The following ESRRB variants were observed in gnomAD, a reference collection of about 807,000 sequenced individuals.
ESRRB encodes the protein steroid hormone receptor ERR2.
A neutral mutation model predicts 46.0 loss-of-function variants in ESRRB; 16 were observed. That is an observed-to-expected ratio of 0.35 (90% confidence interval 0.24 to 0.53). The LOEUF is 0.53. ESRRB is among the 20% of genes least tolerant of loss of function. ESRRB has a pLI of 0.93. For synonymous variants in ESRRB, 246 were observed against 259.6 expected (o/e 0.95, Z 0.50); for missense variants, 488 against 607.4 (o/e 0.80, Z 2.07).
At chr14:76,401,970 C>T (rs1885965299) in intron 1 of ESRRB, among the ~76,000 whole-genome samples, 1 of 152,156 alleles carries the variant, frequency 6.6e-6, no homozygotes, top group African/African-American at 2.4e-5. Context: ...AATTCTAGTC[C>T]AAAGGCAGGC....
intron 1 of ESRRB, among the ~76,000 whole-genome samples, chr14:76,352,003 A>AAG (rs2139761884): frequency 1.4e-5 from 2 of 145,562 alleles, no homozygotes; most frequent in South Asian, 4.5e-4. Flanking sequence ...AAAAAAAAAA[A>AAG]AAAAAAGCAA....
rs575373114 is a variant in ESRRB at position 76,339,749 on chromosome 14, C to T, written c.2+28833C>T. Among the ~76,000 whole-genome samples the T allele has an allele frequency of 2.0e-5, 3 of 152,322 alleles. No homozygotes were observed. The South Asian group carries it at 6.2e-4, about 32-fold the overall frequency. ...GCCCCCCACACTCACAAGCCCGGGG[C>T]AGGGGGCTCTCCCAGCTGCCTGGCT... On this transcript the variant is annotated intron_variant, in intron 1 of 6. Coordinates refer to the ESRRB transcript ENST00000512784.
At chr14:76,427,035 G>A (rs893107634) in intron 1 of ESRRB, among the ~76,000 whole-genome samples, 1 of 152,208 alleles carries the variant, frequency 6.6e-6, no homozygotes, top group Non-Finnish European at 1.5e-5. Context: ...CAGGGGCATG[G>A]GAGGAATTGC....
At chr14:76,375,242 G>A (rs116935793), upstream of ESRRB, among the ~76,000 whole-genome samples, 467 of 152,148 alleles carry the variant, frequency 3.1e-3, no homozygotes, top group Non-Finnish European at 3.2e-3. Flanking sequence ...CCCAGAAGCA[G>A]GGCTGGGGCA....
At chr14:76,483,094 A>C (rs770475827) in intron 5 of ESRRB, among the ~76,000 whole-genome samples, 2 of 152,184 alleles carry the variant, frequency 1.3e-5, no homozygotes, top group Non-Finnish European at 2.9e-5. Flanking sequence ...TTTCTTGTAG[A>C]CCTTATTGGA....
intron 2 of ESRRB, among the ~76,000 whole-genome samples, chr14:76,440,241 G>C (rs74522673): frequency 6.6e-6 from 1 of 152,144 alleles, no homozygotes. Context: ...GCCAAGGCCA[G>C]AGGATAGGTC....
chr14:76,499,400 G>A lies in ESRRB; in HGVS notation c.*942G>A, dbSNP rs77785096. 1.5e-3 allele frequency: 388 copies of A among 264,020 alleles called. 2 individuals carry two copies. Among genetic ancestry groups the A allele is most frequent in the African/African-American group, 8.0e-3 (365 of 45,648 alleles). The allele number at this position is 264,020 out of a possible 1,614,324, so 16.4% of individuals were successfully genotyped here. A position where few individuals can be genotyped will look rare whatever the true frequency, so the allele number is the denominator to read the frequency against. On this transcript the variant is annotated 3_prime_UTR_variant, in exon 7 of 7. Transcript: ENST00000644823. ...GGCTCCATCCAAGAGCACCCCGGGG[G>A]GAGGATCAGGACAGGATGGACAGAG...
chr14:76,469,136 C>CT (rs561871372), intron 3 of ESRRB, among the ~76,000 whole-genome samples: 150 of 152,198 alleles, frequency 9.9e-4, no homozygotes, highest in African/African-American at 3.4e-3. Flanking sequence ...CTCTGTTGCC[C>CT]TGGCTGGACT....
At chr14:76,365,798 G>A (rs985887745) in intron 1 of ESRRB, among the ~76,000 whole-genome samples, 1 of 152,154 alleles carries the variant, frequency 6.6e-6, no homozygotes, top group Non-Finnish European at 1.5e-5. Context: ...TCTTGGAGAG[G>A]AGTATTTTAT....
In ESRRB at chr14:76,491,552, A is replaced by T; in HGVS notation, c.956A>T (p.Lys319Met). 6.3e-7 allele frequency: 1 copy of T among 1,593,932 alleles called. No individual in the cohort carries two copies. The highest frequency in any genetic ancestry group is 1.3e-5 in the African/African-American group (1 of 74,954). ...IVYRSLPYDD[K>M]LVYAEDYIMD... is the part of the protein sequence containing the mutation. ...TACCGCTCGCTGCCCTATGACGACAAGCTGGTGTACGCTGAGGACTACATC... is the reference window on the plus strand; with the variant it reads ...TACCGCTCGCTGCCCTATGACGACATGCTGGTGTACGCTGAGGACTACATC... The change falls in exon 6 of 7, where the codon AAG (lysine) becomes ATG (methionine). Residue 319 changes from lysine to methionine, a missense_variant. Transcript: ENST00000644823.
At chr14:76,368,934 C>T (rs1287440777), upstream of ESRRB, among the ~76,000 whole-genome samples, 9 of 152,138 alleles carry the variant, frequency 5.9e-5, no homozygotes, top group Non-Finnish European at 7.3e-5. Context: ...TGGTGGCTCA[C>T]GCCTGTAATC....
At chr14:76,382,420 T>C (rs973900187) in intron 1 of ESRRB, among the ~76,000 whole-genome samples, 2 of 152,124 alleles carry the variant, frequency 1.3e-5, no homozygotes, top group Non-Finnish European at 2.9e-5. Flanking sequence ...CTCTCTGCAA[T>C]TTTCTGGCCT....
intron 2 of ESRRB, among the ~76,000 whole-genome samples, chr14:76,459,127 G>A (rs922780919): frequency 5.9e-5 from 9 of 152,164 alleles, no homozygotes; most frequent in African/African-American, 1.9e-4. Flanking sequence ...TTACAGGCGT[G>A]AGCCACCACA....
chr14:76,464,767 C>T (rs1398800795), intron 3 of ESRRB, among the ~76,000 whole-genome samples: 1 of 152,194 alleles, frequency 6.6e-6, no homozygotes, highest in Admixed American at 6.5e-5. Flanking sequence ...AGTGGCTGAA[C>T]TGGGTCCCCT....
chr14:76,393,821 GAC>G (rs1885560949), intron 1 of ESRRB, among the ~76,000 whole-genome samples: 1 of 152,138 alleles, frequency 6.6e-6, no homozygotes, highest in Non-Finnish European at 1.5e-5. Context: ...TTTTTTTTGA[GAC>G]AGAGTCTCGT....
intron 1 of ESRRB, among the ~76,000 whole-genome samples, chr14:76,318,256 CGAGGAG>C (rs1883825570): frequency 6.6e-6 from 1 of 152,104 alleles, no homozygotes; most frequent in Non-Finnish European, 1.5e-5. Context: ...GAGTTGGAAG[CGAGGAG>C]CACAGTTGAG....
chr14:76,409,841 G>T (rs866215743), intron 1 of ESRRB, among the ~76,000 whole-genome samples: 1 of 152,158 alleles, frequency 6.6e-6, no homozygotes, highest in Admixed American at 6.5e-5. Flanking sequence ...GGTTTTCTGT[G>T]CAGGTCCTGG....
At chr14:76,465,297 A>G (rs1889058833) in intron 3 of ESRRB, among the ~76,000 whole-genome samples, 1 of 152,108 alleles carries the variant, frequency 6.6e-6, no homozygotes, top group South Asian at 2.1e-4. Flanking sequence ...GGAGGTCGAG[A>G]GGGAACCTCC....
At chr14:76,429,763 A>G (rs1292215284) in intron 1 of ESRRB, among the ~76,000 whole-genome samples, 1 of 152,136 alleles carries the variant, frequency 6.6e-6, no homozygotes, top group African/African-American at 2.4e-5. Context: ...AAAAATAATA[A>G]AAATAAAAAT....
Sources: allele counts gnomAD v4.1 joint callset (sites outside exome capture counted in the v4.1 genomes callset), GRCh38; gene constraint gnomAD v4.1.1; transcripts MANE v1.5; gene names NCBI Gene and HGNC (gene_info 2026-07-23, HGNC 2026-07-21).